ITPR2: variants seen among roughly 807,000 people sequenced by gnomAD.
ITPR2 encodes the protein inositol 1,4,5-trisphosphate-gated calcium channel ITPR2.
ITPR2 carries 207 observed loss-of-function variants against 317.1 expected under a neutral mutation model. The ratio of observed to expected loss-of-function variants is 0.65; its 90% CI spans 0.58 to 0.73. ITPR2 has a LOEUF of 0.73. Ranked by LOEUF, ITPR2 falls within the 30% of genes least tolerant of loss-of-function variation. The probability of loss-of-function intolerance (pLI) is 0.00; values close to 1 mark genes in which losing one functional copy is unlikely to be tolerated. For synonymous variants in ITPR2, 1,156 were observed against 1,149.1 expected, an observed-to-expected ratio of 1.01 and a Z score of -0.12; for missense variants, 2,613 against 3,284.0, an observed-to-expected ratio of 0.80 and a Z score of 4.99.
At chr12:26,768,493 AAAG>A (rs200826540) in intron 2 of ITPR2, among the ~76,000 whole-genome samples, 2,181 of 143,338 alleles carry the variant, frequency 0.015, 76 homozygotes, top group African/African-American at 0.057. Flanking sequence ...AAAAAAAAAA[AAAG>A]AAAATTGAAA....
intron 11 of ITPR2, among the ~76,000 whole-genome samples, chr12:26,684,112 A>G (rs1159505864): frequency 1.3e-5 from 2 of 152,258 alleles, no homozygotes; most frequent in East Asian, 3.8e-4. Flanking sequence ...TCTTTGTTCA[A>G]ATAACTAGAA....
intron 34 of ITPR2, among the ~76,000 whole-genome samples, chr12:26,564,481 T>C (rs1172129385): frequency 1.3e-5 from 2 of 152,184 alleles, no homozygotes; most frequent in African/African-American, 2.4e-5. Flanking sequence ...CCAAAAAGTA[T>C]ATGTTGAAGT....
intron 38 of ITPR2, among the ~76,000 whole-genome samples, 183 bp from the exon 39 acceptor site, chr12:26,494,523 A>G (rs2136871751): frequency 6.6e-6 from 1 of 152,282 alleles, no homozygotes; most frequent in East Asian, 1.9e-4. Flanking sequence ...TAATCCCAGC[A>G]CTTTGGGAAG....
At chr12:26,817,920 C>T (rs1262405283) in intron 1 of ITPR2, among the ~76,000 whole-genome samples, 1 of 152,160 alleles carries the variant, frequency 6.6e-6, no homozygotes, top group Non-Finnish European at 1.5e-5. Context: ...CAAAGTATAG[C>T]CTGTGGTCAC....
rs549878037 is a variant in ITPR2, at chr12:26,727,790, T to C, written c.164-2025A>G. On this transcript the variant is annotated intron_variant, in intron 2 of 56. Transcript: ENST00000381340. ...GAGGAGATGCTAAGAGCCACAACGATGCACGTGGCCAATTTCACAGGCAAC... is the reference window on the plus strand; with the variant it reads ...GAGGAGATGCTAAGAGCCACAACGACGCACGTGGCCAATTTCACAGGCAAC... Among the ~76,000 whole-genome samples, 51 of 152,300 alleles carry C rather than the reference T, an allele frequency of 3.3e-4. No individual in the cohort carries two copies. The South Asian group carries it at 0.01, about 31-fold the overall frequency.
chr12:26,628,079 A>G lies in ITPR2; in HGVS notation c.3018T>C (p.Asn1006=), dbSNP rs1946663455. 1 of 1,613,510 alleles carries G rather than the reference A, an allele frequency of 6.2e-7. No homozygotes were observed. Among genetic ancestry groups the G allele is most frequent in the Non-Finnish European group, 8.5e-7 (1 of 1,179,552 alleles). The change falls in exon 23 of 57, where the codon AAT becomes AAC. Residue 1006 remains asparagine (N), a synonymous_variant. Transcript: ENST00000381340. ...YKKEFGEDND[N]AETSASGSPD... ...GAGATCCACTGGCAGATGTCTCCGC[A>G]TTGTCATTGTCCTCTCCAAACTCCT...
At chr12:26,590,990 G>T (rs117693888) in intron 32 of ITPR2, among the ~76,000 whole-genome samples, 2,756 of 141,628 alleles carry the variant, frequency 0.019, 32 homozygotes, top group Non-Finnish European at 0.029. Flanking sequence ...TGAAGCAAGA[G>T]AATCACTGGA....
chr12:26,554,862 T>C (rs1295966013), intron 36 of ITPR2, among the ~76,000 whole-genome samples: 2 of 152,158 alleles, frequency 1.3e-5, no homozygotes, highest in East Asian at 1.9e-4. Context: ...AGTGGTGAAG[T>C]CTGGGCTTTC....
At chr12:26,486,748 G>T (rs1457810596) in intron 40 of ITPR2, 1 of 564,512 alleles carries the variant, frequency 1.8e-6, no homozygotes, top group Non-Finnish European at 3.4e-6. Context: ...GGAGTTTGGT[G>T]TGGTAATTTC....
In ITPR2 at chr12:26,499,317, C is replaced by T. The variant is rs531338993; in HGVS notation, c.5074-4057G>A. Among the ~76,000 whole-genome samples, 8 of 152,286 alleles carry T rather than the reference C, an allele frequency of 5.3e-5. No homozygotes were observed. In the East Asian group the frequency reaches 1.5e-3, roughly 29 times the overall value. ...TATTCAATTATAGCCCCATTAGAAG[C>T]ATCTATTTCCTCACCATGTAATATT... On this transcript the variant is annotated intron_variant, in intron 37 of 56. Coordinates refer to ENST00000381340, the MANE Select transcript of ITPR2 (RefSeq NM_002223.4).
chr12:26,775,828 C>T (rs533163593), intron 2 of ITPR2, among the ~76,000 whole-genome samples: 1 of 151,440 alleles, frequency 6.6e-6, no homozygotes, highest in Admixed American at 6.6e-5. Context: ...CTAAGTTCTT[C>T]AGCTATGGGA....
At chr12:26,669,330 T>C (rs1456014766) in intron 13 of ITPR2, among the ~76,000 whole-genome samples, 1 of 151,724 alleles carries the variant, frequency 6.6e-6, no homozygotes, top group Non-Finnish European at 1.5e-5. Flanking sequence ...AACATATATC[T>C]CATAAAAGTT....
chr12:26,347,692 A>C (rs1305785343), intron 55 of ITPR2, among the ~76,000 whole-genome samples: 1 of 152,220 alleles, frequency 6.6e-6, no homozygotes, highest in Admixed American at 6.5e-5. Flanking sequence ...ACTACAGTGA[A>C]TCTCCAAACA....
chr12:26,748,806 T>G (rs1040151984), intron 2 of ITPR2, among the ~76,000 whole-genome samples: 1 of 152,216 alleles, frequency 6.6e-6, no homozygotes, highest in Non-Finnish European at 1.5e-5. Context: ...AGAAGGAACT[T>G]AAAATGTAAA....
At chr12:26,688,687 C>G (rs1456780568) in intron 10 of ITPR2, among the ~76,000 whole-genome samples, 1 of 152,148 alleles carries the variant, frequency 6.6e-6, no homozygotes, top group Non-Finnish European at 1.5e-5. Context: ...TCCAAGCCAA[C>G]CCAAGCCAGA....
intron 13 of ITPR2, among the ~76,000 whole-genome samples, chr12:26,668,998 G>C (rs1430254592): frequency 6.6e-6 from 1 of 152,046 alleles, no homozygotes; most frequent in East Asian, 1.9e-4. Context: ...TGCGCCTATG[G>C]TCCCAGCTAC....
chr12:26,442,261 T>C (rs1941503371), intron 46 of ITPR2, among the ~76,000 whole-genome samples: 1 of 152,196 alleles, frequency 6.6e-6, no homozygotes, highest in Admixed American at 6.6e-5. Flanking sequence ...AAATCTATCC[T>C]GAAATCGCTC....
intron 10 of ITPR2, among the ~76,000 whole-genome samples, chr12:26,688,573 A>G (rs1348976841): frequency 6.6e-6 from 1 of 152,154 alleles, no homozygotes; most frequent in East Asian, 1.9e-4. Flanking sequence ...AAAGAGGGAA[A>G]GAAGGAAGGA....
At chr12:26,797,406 T>C (rs74072371) in intron 1 of ITPR2, among the ~76,000 whole-genome samples, 7,394 of 152,280 alleles carry the variant, frequency 0.049, 235 homozygotes, top group African/African-American at 0.09. Context: ...ATATTAGTTG[T>C]ATCTTTTCTC....
Sources: gnomAD v4.1 joint callset for allele counts (sites outside exome capture counted in the v4.1 genomes callset) on GRCh38, gnomAD v4.1.1 for gene constraint, MANE v1.5 for transcripts, NCBI Gene and HGNC (gene_info 2026-07-23, HGNC 2026-07-21) for gene names.